Variants in NEDD4L observed in about 807,000 individuals in gnomAD.
NEDD4L encodes the protein E3 ubiquitin-protein ligase NEDD4-like.
NEDD4L carries 54 observed loss-of-function variants against 148.9 expected under a neutral mutation model. The ratio of observed to expected loss-of-function variants is 0.36; its 90% confidence interval spans 0.29 to 0.45. The LOEUF is 0.45. NEDD4L is among the 20% of genes least tolerant of loss of function. The pLI is 1.00. For missense variants in NEDD4L, 856 were observed against 1,233.8 expected, an observed-to-expected ratio of 0.69 and a Z score of 4.59; for synonymous variants, 433 against 440.7, an observed-to-expected ratio of 0.98 and a Z score of 0.22.
intron 2 of NEDD4L, among the ~76,000 whole-genome samples, chr18:58,174,194 G>C (rs1477484436): frequency 6.6e-6 from 1 of 151,414 alleles, no homozygotes; most frequent in East Asian, 1.9e-4. Context: ...CTGCAGTCAG[G>C]TGCTTCTCTC....
chr18:58,304,557 CA>C (rs2056858062), intron 5 of NEDD4L, among the ~76,000 whole-genome samples: 1 of 152,106 alleles, frequency 6.6e-6, no homozygotes, highest in African/African-American at 2.4e-5. Flanking sequence ...CTAATTTTCC[CA>C]TGTAATATCA....
At chr18:58,234,979 T>C (rs2045833740) in intron 2 of NEDD4L, among the ~76,000 whole-genome samples, 1 of 151,980 alleles carries the variant, frequency 6.6e-6, no homozygotes, top group Non-Finnish European at 1.5e-5. Flanking sequence ...TCAAGTCAGA[T>C]TTTGCAGTGA....
At chr18:58,125,226 G>A (rs894575323) in intron 1 of NEDD4L, among the ~76,000 whole-genome samples, 1 of 152,170 alleles carries the variant, frequency 6.6e-6, no homozygotes, top group Non-Finnish European at 1.5e-5. Flanking sequence ...GAATGAGAAA[G>A]GTCAGGCACA....
At chr18:58,227,818 C>T (rs1040577347) in intron 2 of NEDD4L, 1 of 945,772 alleles carries the variant, frequency 1.1e-6, no homozygotes, top group African/African-American at 1.8e-5. Flanking sequence ...GCAGATTATC[C>T]TTCTCTTTCA....
chr18:58,175,720 C>T (rs1443595018), intron 2 of NEDD4L, among the ~76,000 whole-genome samples: 1 of 152,050 alleles, frequency 6.6e-6, no homozygotes, highest in Non-Finnish European at 1.5e-5. Flanking sequence ...TTCCTTCCCA[C>T]CCCCCAAACC....
rs557732817 is a variant in NEDD4L, at chr18:58,062,771, G to A, written c.48+18063G>A. On this transcript the variant is annotated intron_variant, in intron 1 of 30. Transcript: ENST00000400345. ...TGAGAGGCTGAGGCAGGCAGATCAC[G>A]AGGTCAGGAAATTGAGACCATCTTG... 1.1e-4 allele frequency among the ~76,000 whole-genome samples: 16 copies of A among 152,198 alleles called. No homozygotes were observed. In the East Asian group the frequency reaches 2.3e-3, roughly 22 times the overall value.
At chr18:58,082,102 A>ATATTTTTTTTTTTTTTTTTTTTTTT in intron 1 of NEDD4L, among the ~76,000 whole-genome samples, 4 of 48,832 alleles carry the variant, frequency 8.2e-5, no homozygotes, top group Non-Finnish European at 6.3e-5. Context: ...ATATATATAT[A>ATATTTTTTTTTTTTTTTTTTTTTTT]TTTTTTTTTT....
chr18:58,282,742 T>C (rs1346016978), intron 5 of NEDD4L, among the ~76,000 whole-genome samples: 2 of 152,176 alleles, frequency 1.3e-5, no homozygotes, highest in Admixed American at 1.3e-4. Context: ...GAAATGGACT[T>C]CCCTTCCCTA....
intron 1 of NEDD4L, among the ~76,000 whole-genome samples, chr18:58,080,360 C>T (rs1008357655): frequency 6.6e-6 from 1 of 152,242 alleles, no homozygotes; most frequent in Non-Finnish European, 1.5e-5. Flanking sequence ...TTGACATCCA[C>T]CCTTTGAGGT....
chr18:58,362,178 T>G (rs545940400), intron 19 of NEDD4L, among the ~76,000 whole-genome samples: 6 of 152,320 alleles, frequency 3.9e-5, no homozygotes, highest in African/African-American at 1.4e-4. Flanking sequence ...ACGGGCATCA[T>G]AGGCTGGGGG....
At chr18:58,320,963 C>T (rs528870509) in intron 6 of NEDD4L, among the ~76,000 whole-genome samples, 32 of 152,310 alleles carry the variant, frequency 2.1e-4, no homozygotes, top group African/African-American at 7.2e-4. Flanking sequence ...ATTACTGCCT[C>T]ATAAGAACAG....
At chr18:58,079,836 G>C (rs2083343770) in intron 1 of NEDD4L, among the ~76,000 whole-genome samples, 1 of 152,138 alleles carries the variant, frequency 6.6e-6, no homozygotes, top group African/African-American at 2.4e-5. Flanking sequence ...GGGACAGCAG[G>C]GACAATGAAG....
chr18:58,076,301 A>G (rs1445396183), intron 1 of NEDD4L, among the ~76,000 whole-genome samples: 2 of 152,232 alleles, frequency 1.3e-5, no homozygotes, highest in Non-Finnish European at 2.9e-5. Context: ...CTGATGTCAC[A>G]TGAAGAGCAA....
At chr18:58,293,431 G>A (rs1306515761) in intron 5 of NEDD4L, among the ~76,000 whole-genome samples, 1 of 152,208 alleles carries the variant, frequency 6.6e-6, no homozygotes, top group Non-Finnish European at 1.5e-5. Flanking sequence ...ACAGCAAGAA[G>A]ACATCAGCTG....
chr18:58,205,538 G>A (rs2041898318), intron 2 of NEDD4L, among the ~76,000 whole-genome samples: 1 of 151,888 alleles, frequency 6.6e-6, no homozygotes, highest in Non-Finnish European at 1.5e-5. Flanking sequence ...GGGAGAGAAG[G>A]AGGGAGGCAG....
chr18:58,255,561 G>T, intron 5 of NEDD4L: 1 of 1,231,798 alleles, frequency 8.1e-7, no homozygotes, highest in Non-Finnish European at 1.0e-6. Flanking sequence ...CTTGGAATTT[G>T]TGTCTTTGGT....
intron 1 of NEDD4L, among the ~76,000 whole-genome samples, chr18:58,103,509 G>A (rs2084896551): frequency 6.6e-6 from 1 of 152,054 alleles, no homozygotes; most frequent in South Asian, 2.1e-4. Context: ...AGAATCCGTG[G>A]CCAATCACAG....
chr18:58,341,928 G>T, intron 15 of NEDD4L, 131 bp downstream of exon 15: 1 of 1,027,334 alleles, frequency 9.7e-7, no homozygotes, highest in Non-Finnish European at 1.4e-6. Context: ...GTAGTGAAGG[G>T]TGTTCTTGTG....
intron 1 of NEDD4L, among the ~76,000 whole-genome samples, chr18:58,123,973 G>A (rs944061954): frequency 3.9e-5 from 6 of 152,076 alleles, no homozygotes; most frequent in Admixed American, 2.0e-4. Flanking sequence ...TCCAAATAGC[G>A]TAAAAACAGG....
Sources: gnomAD v4.1 joint callset for allele counts (sites outside exome capture counted in the v4.1 genomes callset) on GRCh38, gnomAD v4.1.1 for gene constraint, MANE v1.5 for transcripts, NCBI Gene and HGNC (gene_info 2026-07-23, HGNC 2026-07-21) for gene names.